Variants in EYA1 observed in about 807,000 individuals in gnomAD.
EYA1 encodes EYA transcriptional coactivator and phosphatase 1.
In EYA1, 16 loss-of-function variants were observed where a neutral mutation model predicts 82.0. The observed-to-expected ratio is 0.20, with a 90% CI of 0.13 to 0.30. The LOEUF (loss-of-function observed/expected upper bound fraction) is 0.30. EYA1 is among the 10% of genes least tolerant of loss of function. The pLI is 1.00. For synonymous variants in EYA1, 261 were observed against 264.4 expected, an observed-to-expected ratio of 0.99 and a Z score of 0.12; for missense variants, 633 against 730.7, an observed-to-expected ratio of 0.87 and a Z score of 1.54.
At chr8:71,280,530 A>G (rs1314864450) in intron 9 of EYA1, among the ~76,000 whole-genome samples, 3 of 152,226 alleles carry the variant, frequency 2.0e-5, no homozygotes, top group Non-Finnish European at 4.4e-5. Flanking sequence ...TTCAACCTCT[A>G]CAGTCAGATA....
rs541209979 is a variant in EYA1, at chr8:71,334,353, C to A, written c.125-179G>T. ...TTTAAAAAAATTCACATATTAAGTT[C>A]TTTCCCCTTAGGAAACAATCTATTG... On this transcript the variant is annotated intron_variant, in intron 3 of 17. Transcript: ENST00000340726. The A allele has an allele frequency of 3.5e-4, 234 of 674,970 alleles. 4 individuals carry two copies. The highest frequency in any genetic ancestry group is 2.9e-3 in the South Asian group (183 of 64,104). 41.8% of individuals were successfully genotyped at this position (674,970 alleles called of 1,614,324 possible). A position where few individuals can be genotyped will look rare whatever the true frequency, so the allele number is the denominator to read the frequency against.
At chr8:71,443,216 T>C (rs1340452912) in intron 2 of EYA1, among the ~76,000 whole-genome samples, 2 of 152,184 alleles carry the variant, frequency 1.3e-5, no homozygotes, top group East Asian at 3.8e-4. Context: ...GGATGATTGG[T>C]CAACAGTTCT....
chr8:71,211,766 C>T (rs1188317101), intron 16 of EYA1, among the ~76,000 whole-genome samples: 1 of 152,158 alleles, frequency 6.6e-6, no homozygotes, highest in East Asian at 1.9e-4. Flanking sequence ...AAAACGCAAA[C>T]ATCGGAATTA....
Position 71,222,228 on chromosome 8 carries a change from G to A in EYA1, c.1141-5205C>T, listed in dbSNP as rs1047661144. On this transcript the variant is annotated intron_variant, in intron 12 of 17. Coordinates refer to ENST00000340726, the MANE Select transcript of EYA1 (RefSeq NM_000503.6). ...CATAGGGATTCACTGCTGGTAACTC[G>A]GATACCTTCCACTGGTAACATATTT... Among the ~76,000 whole-genome samples the A allele has an allele frequency of 2.6e-5, 4 of 152,186 alleles. No homozygotes were observed. The East Asian group carries it at 5.8e-4, about 22-fold the overall frequency.
At chr8:71,475,358 T>C (rs1239555293) in intron 2 of EYA1, among the ~76,000 whole-genome samples, 1 of 152,182 alleles carries the variant, frequency 6.6e-6, no homozygotes, top group Non-Finnish European at 1.5e-5. Context: ...AAAGAAAGAT[T>C]TGCTTTTTAA....
At chr8:71,259,071 T>C (rs1814787482) in intron 11 of EYA1, among the ~76,000 whole-genome samples, 1 of 152,210 alleles carries the variant, frequency 6.6e-6, no homozygotes, top group Admixed American at 6.5e-5. Flanking sequence ...CCAGACACTA[T>C]TTTACTGATA....
intron 7 of EYA1, among the ~76,000 whole-genome samples, chr8:71,307,525 G>C (rs1044398058): frequency 2.0e-5 from 3 of 152,134 alleles, no homozygotes; most frequent in African/African-American, 7.2e-5. Flanking sequence ...TTAGAAATCA[G>C]ATTATAATCA....
chr8:71,270,854 C>T (rs1481490546), intron 10 of EYA1, among the ~76,000 whole-genome samples: 1 of 152,070 alleles, frequency 6.6e-6, no homozygotes, highest in Non-Finnish European at 1.5e-5. Flanking sequence ...GGCGTGGTGG[C>T]TCGTGCCTGT....
chr8:71,251,716 C>A (rs959981217), intron 11 of EYA1, among the ~76,000 whole-genome samples: 1 of 152,170 alleles, frequency 6.6e-6, no homozygotes, highest in African/African-American at 2.4e-5. Context: ...CCCATTGCCT[C>A]AAGATCTCTT....
chr8:71,294,225 C>T lies in EYA1; in HGVS notation c.826+4822G>A, dbSNP rs113623389. On this transcript the variant is annotated intron_variant, in intron 9 of 17. Transcript: ENST00000340726. ...CTGTAATCCCAGCACTTTGGGAGGCCGAGGCGGGTGGATCACGAGGTCAGG... is the reference window on the plus strand; with the variant it reads ...CTGTAATCCCAGCACTTTGGGAGGCTGAGGCGGGTGGATCACGAGGTCAGG... 1.0e-2 allele frequency among the ~76,000 whole-genome samples: 1,520 copies of T among 152,066 alleles called. 22 individuals carry two copies. The highest frequency in any genetic ancestry group is 0.035 in the African/African-American group (1,447 of 41,472).
At chr8:71,378,504 A>T (rs895221813) in intron 2 of EYA1, among the ~76,000 whole-genome samples, 8 of 152,200 alleles carry the variant, frequency 5.3e-5, no homozygotes, top group Admixed American at 5.2e-4. Context: ...AATCTTGCCT[A>T]GTATGAGGTG....
At chr8:71,450,213 C>T (rs898733577) in intron 2 of EYA1, among the ~76,000 whole-genome samples, 26 of 152,222 alleles carry the variant, frequency 1.7e-4, no homozygotes, top group African/African-American at 6.0e-4. Context: ...AACCATTTGG[C>T]ACAAGAGGCC....
At chr8:71,342,628 T>C (rs986671209) in intron 3 of EYA1, among the ~76,000 whole-genome samples, 1 of 152,132 alleles carries the variant, frequency 6.6e-6, no homozygotes, top group Non-Finnish European at 1.5e-5. Context: ...ACTATGAATT[T>C]GTAGATAAAA....
At chr8:71,525,928 G>C (rs540776702) in intron 2 of EYA1, among the ~76,000 whole-genome samples, 5 of 152,168 alleles carry the variant, frequency 3.3e-5, no homozygotes, top group Admixed American at 2.0e-4. Flanking sequence ...GCAAAATAGC[G>C]AAAGGACTGA....
intron 2 of EYA1, among the ~76,000 whole-genome samples, chr8:71,434,706 T>A (rs1805876587): frequency 6.6e-6 from 1 of 152,170 alleles, no homozygotes; most frequent in Non-Finnish European, 1.5e-5. Flanking sequence ...TAGTTAGGGA[T>A]AAATAAATTG....
intron 2 of EYA1, among the ~76,000 whole-genome samples, chr8:71,530,263 C>T (rs1814158182): frequency 1.3e-5 from 2 of 152,096 alleles, no homozygotes; most frequent in South Asian, 4.1e-4. Flanking sequence ...CACAGAAAGC[C>T]AAGGATGGCC....
intron 11 of EYA1, among the ~76,000 whole-genome samples, chr8:71,259,865 C>A (rs149281896): frequency 2.0e-5 from 3 of 152,278 alleles, no homozygotes; most frequent in Admixed American, 6.5e-5. Context: ...AAGTATCTCT[C>A]CTTTTTATGT....
At chr8:71,472,803 A>ATATATATATATATATATATATC (rs1809325441) in intron 2 of EYA1, among the ~76,000 whole-genome samples, 2 of 147,880 alleles carry the variant, frequency 1.4e-5, no homozygotes, top group African/African-American at 4.9e-5. Flanking sequence ...ATATATATAT[A>ATATATATATATATATATATATC]TATATATATA....
intron 12 of EYA1, among the ~76,000 whole-genome samples, chr8:71,235,431 C>T (rs528108582): frequency 6.6e-6 from 1 of 152,228 alleles, no homozygotes; most frequent in South Asian, 2.1e-4. Context: ...AAATGACTTC[C>T]TACCATATCC....
Sources: gnomAD v4.1 joint callset for allele counts (sites outside exome capture counted in the v4.1 genomes callset) on GRCh38, gnomAD v4.1.1 for gene constraint, MANE v1.5 for transcripts, NCBI Gene and HGNC (gene_info 2026-07-23, HGNC 2026-07-21) for gene names.